The following CYYR1 variants were observed in gnomAD, a reference collection of about 807,000 sequenced individuals.
CYYR1 encodes cysteine and tyrosine rich 1.
A neutral mutation model predicts 15.2 loss-of-function variants in CYYR1; 14 were observed. The ratio of observed to expected loss-of-function variants is 0.92; its 90% CI spans 0.61 to 1.44. CYYR1 has a LOEUF of 1.44. Ranked by LOEUF, CYYR1 falls within the 40% of genes most tolerant of loss-of-function variation. The probability of loss-of-function intolerance (pLI) is 0.00; values close to 1 mark genes in which losing one functional copy is unlikely to be tolerated. For missense variants in CYYR1, 228 were observed against 209.5 expected (o/e 1.09, Z -0.54); for synonymous variants, 80 against 77.4 (o/e 1.03, Z -0.18).
chr21:26,501,970 G>T (rs1242002158), intron 2 of CYYR1, among the ~76,000 whole-genome samples: 1 of 152,078 alleles, frequency 6.6e-6, no homozygotes. Flanking sequence ...CAATGCCTTA[G>T]GGTAAAAAGA....
chr21:26,551,810 C>T (rs1979407561), intron 2 of CYYR1: 2 of 273,192 alleles, frequency 7.3e-6, no homozygotes, highest in Admixed American at 3.8e-5. Flanking sequence ...ATTACATAAA[C>T]TTAGTTGATA....
chr21:26,514,092 A>G (rs2065688448), intron 2 of CYYR1, among the ~76,000 whole-genome samples: 1 of 152,086 alleles, frequency 6.6e-6, no homozygotes, highest in South Asian at 2.1e-4. Flanking sequence ...GCCCAAGGTA[A>G]GAAAGAAACT....
chr21:26,518,008 C>G (rs963124340), intron 2 of CYYR1, among the ~76,000 whole-genome samples: 1 of 152,182 alleles, frequency 6.6e-6, no homozygotes, highest in Admixed American at 6.5e-5. Flanking sequence ...CCCACAATAA[C>G]AACGAACCTT....
chr21:26,481,874 A>G (rs1170702621), intron 2 of CYYR1, among the ~76,000 whole-genome samples: 1 of 152,094 alleles, frequency 6.6e-6, no homozygotes, highest in African/African-American at 2.4e-5. Flanking sequence ...TACCAGTAAT[A>G]ACAGAATAAT....
chr21:26,556,266 G>C (rs1437177413), intron 2 of CYYR1, among the ~76,000 whole-genome samples: 1 of 152,136 alleles, frequency 6.6e-6, no homozygotes, highest in Admixed American at 6.6e-5. Flanking sequence ...CAAAATGTCA[G>C]ATTTTTCATG....
intron 3 of CYYR1, chr21:26,477,828 A>T (rs999418572): frequency 8.4e-7 from 1 of 1,190,552 alleles, no homozygotes; most frequent in East Asian, 3.8e-5. Context: ...AGAGGTATAA[A>T]TAATAATAAA....
chr21:26,478,688 C>A (rs1007965351), intron 3 of CYYR1, among the ~76,000 whole-genome samples: 1 of 151,880 alleles, frequency 6.6e-6, no homozygotes, highest in African/African-American at 2.4e-5. Flanking sequence ...GAGAATAGAC[C>A]CCAGGGGGCA....
intron 2 of CYYR1, among the ~76,000 whole-genome samples, chr21:26,543,090 C>G (rs1978687582): frequency 6.6e-6 from 1 of 152,180 alleles, no homozygotes; most frequent in South Asian, 2.1e-4. Flanking sequence ...GAAAACCAAA[C>G]ACTGCATGTC....
At chr21:26,521,613 T>C (rs1238586035) in intron 2 of CYYR1, among the ~76,000 whole-genome samples, 1 of 152,236 alleles carries the variant, frequency 6.6e-6, no homozygotes, top group Non-Finnish European at 1.5e-5. Flanking sequence ...AAAGAATTCA[T>C]GATGCACTGC....
At chr21:26,471,524 G>A (rs1369756877) in intron 3 of CYYR1, 1 of 152,156 alleles carries the variant, frequency 6.6e-6, no homozygotes, top group African/African-American at 2.4e-5. Context: ...TTGAATTTTG[G>A]TAAAGTTCTG....
At chr21:26,476,409 A>G (rs759394368) in intron 3 of CYYR1, among the ~76,000 whole-genome samples, 2 of 152,168 alleles carry the variant, frequency 1.3e-5, no homozygotes, top group Non-Finnish European at 1.5e-5. Flanking sequence ...TATCCTTCTC[A>G]GCACATTCTC....
intron 2 of CYYR1, among the ~76,000 whole-genome samples, chr21:26,548,557 G>A (rs947070079): frequency 6.6e-6 from 1 of 152,128 alleles, no homozygotes; most frequent in Non-Finnish European, 1.5e-5. Context: ...ATGTTGTCCA[G>A]GTTGGTCTTA....
At chr21:26,495,270 G>C (rs1204869707) in intron 2 of CYYR1, among the ~76,000 whole-genome samples, 1 of 152,092 alleles carries the variant, frequency 6.6e-6, no homozygotes, top group Non-Finnish European at 1.5e-5. Context: ...GGAATTAAAG[G>C]GGTAGTAATC....
At position 26,468,188 on chromosome 21, in the gene CYYR1, T is replaced by C. The variant is rs568868439; in HGVS notation, c.*313A>G. 6.9e-4 allele frequency: 234 copies of C among 337,682 alleles called. 2 individuals are homozygous for C. The Middle Eastern group carries it at 0.013, about 19-fold the overall frequency. The allele number at this position is 337,682 out of a possible 1,614,324, so 20.9% of individuals were successfully genotyped here. Reference sequence around the variant, plus strand: ...TTTTCCAGGATCAATACTGAAACTTTCTTCACCTAGCCCTTAAACAACATG... The same window carrying C: ...TTTTCCAGGATCAATACTGAAACTTCCTTCACCTAGCCCTTAAACAACATG... On this transcript the variant is annotated 3_prime_UTR_variant, in exon 4 of 4. Coordinates refer to ENST00000652641, the MANE Select transcript of CYYR1 (RefSeq NM_001320768.2).
At chr21:26,558,083 G>T (rs1439092653) in intron 2 of CYYR1, among the ~76,000 whole-genome samples, 1 of 152,132 alleles carries the variant, frequency 6.6e-6, no homozygotes, top group African/African-American at 2.4e-5. Flanking sequence ...TGCTTTCCAG[G>T]TGTACTGGGC....
At chr21:26,520,693 C>A (rs2065792844) in intron 2 of CYYR1, among the ~76,000 whole-genome samples, 1 of 152,212 alleles carries the variant, frequency 6.6e-6, no homozygotes, top group South Asian at 2.1e-4. Context: ...TACATTCCCA[C>A]CAACAGTGTA....
intron 1 of CYYR1, among the ~76,000 whole-genome samples, chr21:26,572,451 C>A (rs1981066478): frequency 6.6e-6 from 1 of 152,108 alleles, no homozygotes. Flanking sequence ...TTGTGAATCT[C>A]CCAAAGAACG....
chr21:26,491,050 C>T (rs1267222451), intron 2 of CYYR1, among the ~76,000 whole-genome samples: 1 of 152,108 alleles, frequency 6.6e-6, no homozygotes, highest in African/African-American at 2.4e-5. Flanking sequence ...CATTCTGCCA[C>T]ACAATACAGT....
Position 26,496,952 on chromosome 21 carries a change from A to G in CYYR1, c.177-16523T>C, listed in dbSNP as rs2065413227. On this transcript the variant is annotated intron_variant, in intron 2 of 3. Coordinates refer to ENST00000652641, the MANE Select transcript of CYYR1 (RefSeq NM_001320768.2). The stretch of plus-strand genomic sequence containing the variant: ...AAATTTTCTTTGTTTTTGGACCATT[A>G]ACATCTAGTAGGATGACCAACTTGA... Among the ~76,000 whole-genome samples, 4 of 152,262 alleles carry G rather than the reference A, an allele frequency of 2.6e-5. No individual in the cohort carries two copies. The Middle Eastern group carries it at 0.01, about 388-fold the overall frequency.
Sources: gnomAD v4.1 joint callset for allele counts (sites outside exome capture counted in the v4.1 genomes callset) on GRCh38, gnomAD v4.1.1 for gene constraint, MANE v1.5 for transcripts, NCBI Gene and HGNC (gene_info 2026-07-23, HGNC 2026-07-21) for gene names.